Variants in MSANTD3 observed in about 807,000 individuals in gnomAD.
The protein encoded by MSANTD3 is Myb/SANT DNA binding domain containing 3.
In MSANTD3, 11 loss-of-function variants were observed where a neutral mutation model predicts 27.7. The ratio of observed to expected loss-of-function variants is 0.40; its 90% CI spans 0.25 to 0.66. MSANTD3 has a LOEUF of 0.66. MSANTD3 is among the 30% of genes least tolerant of loss of function. The probability of loss-of-function intolerance (pLI) is 0.41; values close to 1 mark genes in which losing one functional copy is unlikely to be tolerated. For missense variants in MSANTD3, 250 were observed against 336.5 expected, an observed-to-expected ratio of 0.74 and a Z score of 2.01; for synonymous variants, 131 against 127.2, an observed-to-expected ratio of 1.03 and a Z score of -0.20.
At chr9:100,428,557 C>T (rs1384554426) in intron 1 of MSANTD3, among the ~76,000 whole-genome samples, 1 of 152,094 alleles carries the variant, frequency 6.6e-6, no homozygotes, top group African/African-American at 2.4e-5. Flanking sequence ...GGCCAGATTT[C>T]ATCCCTCCCG....
chr9:100,442,494 A>T, intron 2 of MSANTD3, 138 bp downstream of exon 2: 1 of 1,350,656 alleles, frequency 7.4e-7, no homozygotes, highest in East Asian at 2.5e-5. Context: ...TCAAGATCTC[A>T]GGATTATATA....
At chr9:100,448,126 G>T in intron 2 of MSANTD3, 2 of 769,532 alleles carry the variant, frequency 2.6e-6, no homozygotes, top group Non-Finnish European at 3.1e-6. Flanking sequence ...GGGAGCCAGA[G>T]ATGGCAGTGA....
At chr9:100,427,490 G>A (rs1836272470) in intron 1 of MSANTD3, 97 bp downstream of exon 1, 1 of 150,604 alleles carries the variant, frequency 6.6e-6, no homozygotes, top group Non-Finnish European at 1.5e-5. Context: ...GGCATGGAGG[G>A]TTTTCGGGCC....
intron 1 of MSANTD3, among the ~76,000 whole-genome samples, chr9:100,439,092 C>T (rs1836543648): frequency 1.3e-5 from 2 of 152,130 alleles, no homozygotes; most frequent in Non-Finnish European, 2.9e-5. Flanking sequence ...ATACGGATTA[C>T]CCTCGTACTT....
At chr9:100,434,016 C>A (rs560922551) in intron 1 of MSANTD3, among the ~76,000 whole-genome samples, 1 of 152,302 alleles carries the variant, frequency 6.6e-6, no homozygotes, top group South Asian at 2.1e-4. Flanking sequence ...TGTCTCGTCA[C>A]CAGCCTATCC....
At chr9:100,440,091 A>G (rs994690222) in intron 1 of MSANTD3, among the ~76,000 whole-genome samples, 2 of 152,198 alleles carry the variant, frequency 1.3e-5, no homozygotes, top group African/African-American at 4.8e-5. Flanking sequence ...TGCAGTCCTA[A>G]AACACACATA....
At position 100,442,237 on chromosome 9, in the gene MSANTD3, T is replaced by C; in HGVS notation, c.299T>C (p.Leu100Pro). ...REKVKRSVSP[L>P]LSTHVLGKEK... The stretch of plus-strand genomic sequence containing the variant: ...AAAGTGAAACGGAGCGTCAGCCCTC[T>C]CCTGAGTACCCACGTCCTAGGGAAG... Residue 100 changes from leucine to proline, a missense_variant, in exon 2 of 3, where the codon CTC (leucine) becomes CCC (proline). Transcript: ENST00000395067. 1.2e-6 allele frequency: 2 copies of C among 1,614,118 alleles called. No homozygotes were observed. The highest frequency in any genetic ancestry group is 1.7e-5 in the Admixed American group (1 of 60,006).
chr9:100,433,276 T>A (rs987255719), intron 1 of MSANTD3, among the ~76,000 whole-genome samples: 4 of 152,298 alleles, frequency 2.6e-5, no homozygotes, highest in Admixed American at 2.6e-4. Flanking sequence ...TTATTTATAT[T>A]TTTTCTTTTT....
Position 100,440,923 on chromosome 9 carries a change from CTG to C in MSANTD3, c.-33-981_-33-980del, listed in dbSNP as rs1482496609. ...TACAGGTGTGAGCCACTGTGCCCGGCTGTACATCTTTTTTTTTTTTTTTTTTT... is the reference window on the plus strand; with the variant it reads ...TACAGGTGTGAGCCACTGTGCCCGGCTACATCTTTTTTTTTTTTTTTTTTT... On this transcript the variant is annotated intron_variant, in intron 1 of 2. Transcript: ENST00000395067. 2.8e-5 allele frequency among the ~76,000 whole-genome samples: 4 copies of C among 141,330 alleles called. No individual in the cohort carries two copies. In the East Asian group the frequency reaches 8.6e-4, roughly 30 times the overall value. The allele number at this position is 141,330 out of a possible 152,430, so 92.7% of individuals were successfully genotyped here.
At chr9:100,435,586 C>A (rs1836462590) in intron 1 of MSANTD3, among the ~76,000 whole-genome samples, 1 of 152,116 alleles carries the variant, frequency 6.6e-6, no homozygotes, top group South Asian at 2.1e-4. Flanking sequence ...GCTGAGAAGG[C>A]CAAGATCAAG....
chr9:100,438,344 C>G (rs996966925), intron 1 of MSANTD3, among the ~76,000 whole-genome samples: 2 of 152,034 alleles, frequency 1.3e-5, no homozygotes, highest in African/African-American at 4.8e-5. Context: ...TAACATAAGT[C>G]TTAAGTGTTT....
intron 2 of MSANTD3, among the ~76,000 whole-genome samples, chr9:100,450,303 A>G (rs1030401018): frequency 6.6e-6 from 1 of 152,190 alleles, no homozygotes; most frequent in Non-Finnish European, 1.5e-5. Context: ...CTGACCACGG[A>G]TCCCATACTT....
chr9:100,445,072 T>C (rs1836721039), intron 2 of MSANTD3: 2 of 725,310 alleles, frequency 2.8e-6, no homozygotes, highest in African/African-American at 3.5e-5. Flanking sequence ...GGGAAGTGTG[T>C]CCAAAGGTAA....
intron 2 of MSANTD3, chr9:100,445,282 T>C: frequency 9.1e-7 from 1 of 1,096,622 alleles, no homozygotes; most frequent in South Asian, 1.3e-5. Context: ...ACATCTTGTG[T>C]ATTTGACATA....
chr9:100,435,685 T>C (rs76218179), intron 1 of MSANTD3, among the ~76,000 whole-genome samples: 3,210 of 152,226 alleles, frequency 0.021, 97 homozygotes, highest in African/African-American at 0.073. Flanking sequence ...GCTGTGTTCT[T>C]ACATGACCTC....
At chr9:100,448,228 T>G in intron 2 of MSANTD3, 1 of 946,620 alleles carries the variant, frequency 1.1e-6, no homozygotes, top group Non-Finnish European at 1.2e-6. Flanking sequence ...GAAGAAGAAA[T>G]TAAAGAAATT....
In MSANTD3 at chr9:100,431,153, C is replaced by T. The variant is rs1836368077; in HGVS notation, c.-34+3760C>T. Among the ~76,000 whole-genome samples the T allele has an allele frequency of 2.0e-5, 3 of 151,984 alleles. No individual in the cohort carries two copies. The South Asian group carries it at 6.2e-4, about 32-fold the overall frequency. ...GAATAGCTGGGATTACAGGCATGCA[C>T]CATGATACCTGGCTAATTTTGTATT... On this transcript the variant is annotated intron_variant, in intron 1 of 2. Coordinates refer to ENST00000395067, the MANE Select transcript of MSANTD3 (RefSeq NM_080655.3).
chr9:100,428,034 GTA>G (rs1288663202), intron 1 of MSANTD3, among the ~76,000 whole-genome samples: 1 of 152,156 alleles, frequency 6.6e-6, no homozygotes, highest in Non-Finnish European at 1.5e-5. Flanking sequence ...TGAGCACTCT[GTA>G]TGTACCAGGC....
At chr9:100,439,605 G>T (rs113913699) in intron 1 of MSANTD3, among the ~76,000 whole-genome samples, 3,445 of 151,748 alleles carry the variant, frequency 0.023, 141 homozygotes, top group African/African-American at 0.079. Context: ...CGCCCCCCGG[G>T]GTCAAGCAAT....
Sources: allele counts gnomAD v4.1 joint callset (sites outside exome capture counted in the v4.1 genomes callset), GRCh38; gene constraint gnomAD v4.1.1; transcripts MANE v1.5; gene names NCBI Gene and HGNC (gene_info 2026-07-23, HGNC 2026-07-21).